Variants in ZNF677 observed in about 807,000 individuals in gnomAD.
ZNF677 encodes zinc finger protein 677.
ZNF677 carries 5 observed loss-of-function variants against 8.1 expected under a neutral mutation model. The ratio of observed to expected loss-of-function variants is 0.62; its 90% confidence interval spans 0.32 to 1.29. The LOEUF is 1.29. Among genes scored for constraint, ZNF677 ranks in the 50% most tolerant of loss-of-function variants. The pLI, the probability that ZNF677 is intolerant of heterozygous loss-of-function variation, is 0.05. For missense variants in ZNF677, 685 were observed against 685.9 expected, an observed-to-expected ratio of 1.00 and a Z score of 0.01; for synonymous variants, 221 against 225.6, an observed-to-expected ratio of 0.98 and a Z score of 0.18.
rs1045251683 is a variant in ZNF677, at chr19:53,235,808, G to T, written c.*1164C>A. The T allele has an allele frequency of 1.2e-4, 19 of 152,010 alleles. No individual in the cohort carries two copies. The highest frequency in any genetic ancestry group is 4.6e-4 in the African/African-American group (19 of 41,346). 9.4% of individuals were successfully genotyped at this position (152,010 alleles called of 1,614,324 possible). On this transcript the variant is annotated 3_prime_UTR_variant, in exon 5 of 5. Transcript: ENST00000598513. ...CCCAGTCACATCAACAATTCTAAGG[G>T]GTCCTGACCACATAAAGCATATATG...
intron 3 of ZNF677, among the ~76,000 whole-genome samples, chr19:53,250,416 T>C (rs2091216423): frequency 1.3e-5 from 2 of 152,116 alleles, no homozygotes; most frequent in African/African-American, 2.4e-5. Context: ...AGCGAAGACA[T>C]GGAATCAACC....
At chr19:53,252,753 G>C (rs1447450496) in intron 2 of ZNF677, among the ~76,000 whole-genome samples, 1 of 152,280 alleles carries the variant, frequency 6.6e-6, no homozygotes, top group Non-Finnish European at 1.5e-5. Flanking sequence ...AAAGGACAAA[G>C]GGGACCTGGA....
chr19:53,245,782 G>A (rs2091127108), intron 3 of ZNF677, among the ~76,000 whole-genome samples: 1 of 152,128 alleles, frequency 6.6e-6, no homozygotes, highest in Non-Finnish European at 1.5e-5. Context: ...GGGAGGCCGA[G>A]GTGGGCAGAT....
chr19:53,237,054 A>G lies in ZNF677; in HGVS notation c.1673T>C (p.Leu558Pro), dbSNP rs762872393. ...ATTATAACTTTTTTGATGATCTCCAAGGTTTGAACTTTGGAATAAAGCATT... is the reference window on the plus strand; with the variant it reads ...ATTATAACTTTTTTGATGATCTCCAGGGTTTGAACTTTGGAATAAAGCATT... ...HGNALFQSSN[L>P]GDHQKSYNRE... The change falls in exon 5 of 5, where the codon CTT (leucine) becomes CCT (proline). Residue 558 changes from leucine (L) to proline (P), a missense_variant. Physicochemically the swap from Leu to Pro is moderately conservative, Grantham distance 98 (BLOSUM62 -3). Coordinates refer to ENST00000598513, the MANE Select transcript of ZNF677 (RefSeq NM_182609.4). 5.6e-6 allele frequency: 9 copies of G among 1,608,646 alleles called. No individual in the cohort carries two copies. Among genetic ancestry groups the G allele is most frequent in the Non-Finnish European group, 7.6e-6 (9 of 1,178,470 alleles).
chr19:53,251,160 C>CA (rs1400234435), intron 3 of ZNF677, among the ~76,000 whole-genome samples: 4 of 152,160 alleles, frequency 2.6e-5, no homozygotes, highest in Admixed American at 2.0e-4. Flanking sequence ...TATTTGTGCA[C>CA]ATTAATATAT....
chr19:53,254,068 T>C (rs1452179001), intron 1 of ZNF677, among the ~76,000 whole-genome samples: 1 of 152,226 alleles, frequency 6.6e-6, no homozygotes, highest in Non-Finnish European at 1.5e-5. Context: ...CCTCACACCG[T>C]AGTTTTGCAA....
chr19:53,250,861 A>C (rs140593706), intron 3 of ZNF677, among the ~76,000 whole-genome samples: 2 of 152,360 alleles, frequency 1.3e-5, no homozygotes, highest in Non-Finnish European at 2.9e-5. Flanking sequence ...CACCCACTGC[A>C]TGAGAATTCC....
In ZNF677 at chr19:53,237,997, A is replaced by C. The variant is rs1385691567; in HGVS notation, c.730T>G (p.Leu244Val). 9.3e-6 allele frequency: 15 copies of C among 1,613,248 alleles called. No individual in the cohort carries two copies. The highest frequency in any genetic ancestry group is 1.3e-5 in the Non-Finnish European group (15 of 1,179,848). The change falls in exon 5 of 5, where the codon TTG (leucine) becomes GTG (valine). Residue 244 changes from leucine to valine, a missense_variant. Transcript: ENST00000598513. The part of the protein sequence containing the change: ...KNICNKYRKI[L>V]KYPLLHTQYG... ...TGTGTATGTAATAAAGGGTATTTCA[A>C]AATCTTCCTATATTTATTACAAATG...
intron 4 of ZNF677, chr19:53,242,278 A>C: frequency 2.5e-6 from 1 of 398,640 alleles, no homozygotes; most frequent in Non-Finnish European, 4.4e-6. Context: ...TCTTAGAAGA[A>C]TATGGAATCA....
rs1568687190 is a variant in ZNF677, at chr19:53,237,140, G to A, written c.1587C>T (p.Asn529=). The A allele has an allele frequency of 6.2e-6, 10 of 1,613,728 alleles. No homozygotes were observed. Among genetic ancestry groups the A allele is most frequent in the Non-Finnish European group, 8.5e-6 (10 of 1,179,920 alleles). Residue 529 remains asparagine (N), a synonymous_variant, in exon 5 of 5, where the codon AAC becomes AAT. Transcript: ENST00000598513. ...TGTGTATTTTCTGGTGTCTAGTGAGGTTTGCAAATTGGGTAAAAGCTTTGC... is the reference window on the plus strand; with the variant it reads ...TGTGTATTTTCTGGTGTCTAGTGAGATTTGCAAATTGGGTAAAAGCTTTGC... ...ECGKAFTQFA[N]LTRHQKIHIE...
At chr19:53,251,400 G>A (rs2146969296) in intron 3 of ZNF677, 136 bp downstream of exon 3, 2 of 698,884 alleles carry the variant, frequency 2.9e-6, no homozygotes, top group East Asian at 2.6e-5. Flanking sequence ...ATGTGGAGAT[G>A]GAATTGAGGG....
chr19:53,244,043 T>A, intron 3 of ZNF677, 146 bp from the exon 4 acceptor site: 2 of 739,346 alleles, frequency 2.7e-6, no homozygotes, highest in Non-Finnish European at 4.3e-6. Flanking sequence ...TTTTTTAAAC[T>A]GAGATGAAAT....
In ZNF677 at chr19:53,236,884, C is replaced by G; in HGVS notation, c.*88G>C. The G allele has an allele frequency of 2.5e-6, 3 of 1,206,236 alleles. No homozygotes were observed. Among genetic ancestry groups the G allele is most frequent in the Non-Finnish European group, 3.4e-6 (3 of 880,336 alleles). The allele number at this position is 1,206,236 out of a possible 1,614,324, so 74.7% of individuals were successfully genotyped here. On this transcript the variant is annotated 3_prime_UTR_variant, in exon 5 of 5. Transcript: ENST00000598513. The stretch of plus-strand genomic sequence containing the variant: ...GTGGTTTATCTCAAAGATGTATATT[C>G]TGGTATCAAGTGAGACATAAGCCAT...
In ZNF677 at chr19:53,235,597, T is replaced by C. The variant is rs1392608824; in HGVS notation, c.*1375A>G. ...TATCTATGTTCAATAATCTGTGATA[T>C]GCAACAGTAACTACCTTTCAAGAGA... On this transcript the variant is annotated 3_prime_UTR_variant, in exon 5 of 5. Transcript: ENST00000598513. The C allele has an allele frequency of 1.3e-5, 2 of 152,202 alleles. No individual in the cohort carries two copies. Among genetic ancestry groups the C allele is most frequent in the Non-Finnish European group, 2.9e-5 (2 of 68,042 alleles). 9.4% of individuals were successfully genotyped at this position (152,202 alleles called of 1,614,324 possible). A position where few individuals can be genotyped will look rare whatever the true frequency, so the allele number is the denominator to read the frequency against.
At chr19:53,247,425 G>A (rs542684108) in intron 3 of ZNF677, among the ~76,000 whole-genome samples, 17 of 151,758 alleles carry the variant, frequency 1.1e-4, no homozygotes, top group Non-Finnish European at 2.1e-4. Context: ...CATGTTTTAA[G>A]AAAGTTTAAA....
chr19:53,247,404 CA>C (rs924288687), intron 3 of ZNF677, among the ~76,000 whole-genome samples: 1 of 150,596 alleles, frequency 6.6e-6, no homozygotes, highest in African/African-American at 2.4e-5. Context: ...AAAAAAATCA[CA>C]AAAAAATCTC....
chr19:53,241,864 G>A (rs1237238406), intron 4 of ZNF677: 6 of 398,378 alleles, frequency 1.5e-5, no homozygotes, highest in South Asian at 1.3e-4. Context: ...GTTGTCCATC[G>A]CCTATTGGTG....
intron 3 of ZNF677, chr19:53,249,197 TCCA>T (rs1161286540): frequency 6.6e-6 from 1 of 152,238 alleles, no homozygotes; most frequent in African/African-American, 2.4e-5. Context: ...TAGTTCTTTG[TCCA>T]CCGTTTACTT....
chr19:53,245,224 A>G (rs2091116972), intron 3 of ZNF677, among the ~76,000 whole-genome samples: 3 of 152,206 alleles, frequency 2.0e-5, no homozygotes, highest in Non-Finnish European at 4.4e-5. Context: ...CTTGGCAATG[A>G]TTTCTTGGAT....
Sources: gnomAD v4.1 joint callset for allele counts (sites outside exome capture counted in the v4.1 genomes callset) on GRCh38, gnomAD v4.1.1 for gene constraint, MANE v1.5 for transcripts, NCBI Gene and HGNC (gene_info 2026-07-23, HGNC 2026-07-21) for gene names.